The following PCDHGB6 variants were observed in gnomAD, a reference collection of about 807,000 sequenced individuals.
The protein encoded by PCDHGB6 is protocadherin gamma-B6.
PCDHGB6 carries 51 observed loss-of-function variants against 59.1 expected under a neutral mutation model. That is an observed-to-expected ratio of 0.86 (90% CI 0.69 to 1.09). The LOEUF is 1.09. PCDHGB6 is among the 50% of genes least tolerant of loss of function. PCDHGB6 has a pLI of 0.00. For missense variants in PCDHGB6, 1,148 were observed against 1,205.1 expected (o/e 0.95, Z 0.70); for synonymous variants, 466 against 495.1 (o/e 0.94, Z 0.78).
chr5:141,501,132 G>T (rs371444727), intron 2 of PCDHGB6, among the ~76,000 whole-genome samples: 2 of 152,262 alleles, frequency 1.3e-5, no homozygotes, highest in East Asian at 3.9e-4. Flanking sequence ...CTCCCTAAGT[G>T]CTGGGATTAC....
chr5:141,436,095 GA>G (rs2097795730), intron 1 of PCDHGB6, among the ~76,000 whole-genome samples: 2 of 152,112 alleles, frequency 1.3e-5, no homozygotes, highest in Non-Finnish European at 2.9e-5. Context: ...AATATTGAGA[GA>G]AATAGAGGAC....
At chr5:141,501,600 C>G (rs1320824291) in intron 2 of PCDHGB6, among the ~76,000 whole-genome samples, 1 of 152,040 alleles carries the variant, frequency 6.6e-6, no homozygotes, top group Admixed American at 6.6e-5. Flanking sequence ...TCTACCAGTT[C>G]CAGCTGTGTG....
chr5:141,502,955 T>C (rs2099817293), intron 2 of PCDHGB6, among the ~76,000 whole-genome samples: 1 of 149,868 alleles, frequency 6.7e-6, no homozygotes, highest in Non-Finnish European at 1.5e-5. Context: ...GCGATTCTCC[T>C]GCCTCAGCCT....
At chr5:141,430,179 A>G (rs2097264770) in intron 1 of PCDHGB6, among the ~76,000 whole-genome samples, 1 of 152,158 alleles carries the variant, frequency 6.6e-6, no homozygotes, top group Admixed American at 6.5e-5. Flanking sequence ...ATTTTCCCCA[A>G]ATTATAGCTG....
intron 1 of PCDHGB6, chr5:141,422,115 T>G: frequency 6.2e-7 from 1 of 1,605,004 alleles, no homozygotes; most frequent in Non-Finnish European, 8.5e-7. Context: ...TCCAATTGGA[T>G]TCACAAACTG....
In PCDHGB6 at chr5:141,410,023, C is replaced by G; in HGVS notation, c.1821C>G (p.His607Gln). 1 of 1,613,310 alleles carries G rather than the reference C, an allele frequency of 6.2e-7. No homozygotes were observed. The highest frequency in any genetic ancestry group is 8.5e-7 in the Non-Finnish European group (1 of 1,179,812). ...GACACAACGCCTGGCTGTCCTACCA[C>G]GTGCTGCAGGCCAGTGAGCCCGGAC... is the stretch of plus-strand genomic sequence containing the variant. Reference protein sequence around the residue: ...DSGHNAWLSYHVLQASEPGLF... With the variant: ...DSGHNAWLSYQVLQASEPGLF... Residue 607 changes from histidine to glutamine, a missense_variant, in exon 1 of 4, where the codon CAC becomes CAG. His to Gln is a conservative substitution (Grantham distance 24). This residue lies in a region of PCDHGB6 where 549 missense variants were observed against 527.5 expected (regional missense o/e 1.04). Transcript: ENST00000520790.
rs2095093592 is a variant in PCDHGB6 at position 141,408,379 on chromosome 5, G to T, written c.177G>T (p.Leu59=). ...CTAAGGATCTAGGGCTCAGTGTCCT[G>T]GATGTGTCGGCTCGCAAGCTGCGAG... The part of the protein sequence containing the change: ...NLAKDLGLSV[L]DVSARKLRVS... The change falls in exon 1 of 4, where the codon CTG becomes CTT. Residue 59 remains leucine, a synonymous_variant. Transcript: ENST00000520790. 13 of 1,613,914 alleles carry T rather than the reference G, an allele frequency of 8.1e-6. No homozygotes were observed. The highest frequency in any genetic ancestry group is 1.1e-5 in the Non-Finnish European group (13 of 1,179,878).
At chr5:141,503,502 G>A (rs750139098) in intron 2 of PCDHGB6, among the ~76,000 whole-genome samples, 5 of 151,828 alleles carry the variant, frequency 3.3e-5, no homozygotes, top group Admixed American at 2.0e-4. Context: ...AAGAGGCTGA[G>A]GCAGGAGAAT....
At chr5:141,428,100 G>A (rs1313410784) in intron 1 of PCDHGB6, 6 of 1,608,582 alleles carry the variant, frequency 3.7e-6, no homozygotes, top group East Asian at 2.2e-5. Context: ...GTCCTACCAC[G>A]TGCTGCAGGC....
At chr5:141,498,264 C>A (rs1272117057) in intron 2 of PCDHGB6, among the ~76,000 whole-genome samples, 2 of 152,016 alleles carry the variant, frequency 1.3e-5, no homozygotes, top group Admixed American at 1.3e-4. Context: ...GTGTTGAGTT[C>A]TTCAGTAAAC....
intron 1 of PCDHGB6, among the ~76,000 whole-genome samples, chr5:141,456,179 A>G (rs1161415053): frequency 6.6e-6 from 1 of 151,860 alleles, no homozygotes; most frequent in Non-Finnish European, 1.5e-5. Context: ...TTACAGAATA[A>G]TTTCTTAATA....
At chr5:141,465,337 G>GCC (rs2099101328) in intron 1 of PCDHGB6, among the ~76,000 whole-genome samples, 6 of 151,962 alleles carry the variant, frequency 3.9e-5, no homozygotes, top group Admixed American at 2.6e-4. Flanking sequence ...TTTTTATATT[G>GCC]GTTACTGAAG....
chr5:141,508,829 C>G (rs370074494), intron 3 of PCDHGB6, among the ~76,000 whole-genome samples: 10 of 152,240 alleles, frequency 6.6e-5, no homozygotes, highest in Middle Eastern at 3.4e-3. Context: ...TCTGGGCCCC[C>G]CTCCCCTACC....
chr5:141,473,848 A>T (rs1281010822), intron 1 of PCDHGB6, among the ~76,000 whole-genome samples: 1 of 152,198 alleles, frequency 6.6e-6, no homozygotes, highest in Non-Finnish European at 1.5e-5. Flanking sequence ...TTTTAGGAAG[A>T]TGAACCTCGC....
Position 141,487,226 on chromosome 5 carries a change from G to A in PCDHGB6, c.2419-7581G>A. ...TCGAGAATCTTCAGCTCCAAGGGAA[G>A]GAGAATCTCGTCTAACCCTCTACTT... is the stretch of plus-strand genomic sequence containing the variant. On this transcript the variant is annotated intron_variant, in intron 1 of 3. Transcript: ENST00000520790. This position sits in a 1 kb window ranked among gnomAD's most constrained non-coding sequence, Gnocchi z 5.0. The A allele has an allele frequency of 6.2e-7, 1 of 1,614,104 alleles. No individual in the cohort carries two copies. Among genetic ancestry groups the A allele is most frequent in the South Asian group, 1.1e-5 (1 of 91,074 alleles).
intron 1 of PCDHGB6, chr5:141,419,170 C>G: frequency 6.2e-7 from 1 of 1,613,966 alleles, no homozygotes; most frequent in South Asian, 1.1e-5. Flanking sequence ...CCAGCAAAAC[C>G]ATAACCCTGC....
chr5:141,456,427 T>A (rs1156577293), intron 1 of PCDHGB6, among the ~76,000 whole-genome samples: 1 of 152,166 alleles, frequency 6.6e-6, no homozygotes, highest in East Asian at 1.9e-4. Context: ...ATTCAAGTTA[T>A]AGTATTGAGT....
intron 1 of PCDHGB6, chr5:141,415,478 G>C: frequency 6.2e-7 from 1 of 1,614,082 alleles, no homozygotes; most frequent in Non-Finnish European, 8.5e-7. Flanking sequence ...GCGGACTCGC[G>C]AAAGAGTCAC....
chr5:141,413,832 C>T, intron 1 of PCDHGB6: 1 of 1,613,228 alleles, frequency 6.2e-7, no homozygotes. Context: ...TCACCGCCTC[C>T]GACGGGGGTG....
Sources: gnomAD v4.1 joint callset for allele counts (sites outside exome capture counted in the v4.1 genomes callset) on GRCh38, gnomAD v4.1.1 for gene constraint, gnomAD v4.1.1 regional missense constraint, Gnocchi (gnomAD v3.1) non-coding constraint, MANE v1.5 for transcripts, NCBI Gene and HGNC (gene_info 2026-07-23, HGNC 2026-07-21) for gene names.